The following ECPAS variants were observed in gnomAD, a reference collection of about 807,000 sequenced individuals.
The protein encoded by ECPAS is Ecm29 proteasome adaptor and scaffold.
ECPAS carries 70 observed loss-of-function variants against 255.1 expected under a neutral mutation model. The ratio of observed to expected loss-of-function variants is 0.27; its 90% CI spans 0.23 to 0.33. The LOEUF is 0.33. Among genes scored for constraint, ECPAS ranks in the 10% least tolerant of loss-of-function variants. The pLI is 1.00. For synonymous variants in ECPAS, 784 were observed against 775.0 expected (o/e 1.01, Z -0.19); for missense variants, 1,817 against 2,206.4 (o/e 0.82, Z 3.54).
chr9:111,373,907 T>A, intron 39 of ECPAS, 65 bp downstream of exon 39: 1 of 1,282,850 alleles, frequency 7.8e-7, no homozygotes, highest in South Asian at 1.2e-5. Context: ...TTTTCCTTTT[T>A]AAAACTCTGT....
intron 16 of ECPAS, among the ~76,000 whole-genome samples, chr9:111,418,322 A>C (rs1005408386): frequency 6.6e-6 from 1 of 152,232 alleles, no homozygotes; most frequent in Non-Finnish European, 1.5e-5. Flanking sequence ...GTTAAACCAT[A>C]AACAACTATA....
intron 24 of ECPAS, among the ~76,000 whole-genome samples, chr9:111,399,279 T>C (rs1331525323): frequency 6.6e-6 from 1 of 152,048 alleles, no homozygotes; most frequent in Non-Finnish European, 1.5e-5. Context: ...AAAAAGCACC[T>C]TCATAAAAAC....
chr9:111,467,020 C>T lies in ECPAS; in HGVS notation c.22+5877G>A, dbSNP rs564825739. Among the ~76,000 whole-genome samples the T allele has an allele frequency of 4.6e-5, 7 of 152,112 alleles. No individual in the cohort carries two copies. In the East Asian group the frequency reaches 7.7e-4, roughly 17 times the overall value. ...TCCTCCTACCCGCATAAAAAGAAAACGACCAGTAAAGGTTTAAAGACTTCA... is the reference window on the plus strand; with the variant it reads ...TCCTCCTACCCGCATAAAAAGAAAATGACCAGTAAAGGTTTAAAGACTTCA... On this transcript the variant is annotated intron_variant, in intron 2 of 49. Transcript: ENST00000684092.
chr9:111,448,022 C>G (rs1222887551), intron 3 of ECPAS, among the ~76,000 whole-genome samples: 3 of 151,934 alleles, frequency 2.0e-5, no homozygotes, highest in African/African-American at 7.2e-5. Flanking sequence ...TTCAAAAGAG[C>G]TAGAAGATCT....
chr9:111,436,803 T>G, intron 7 of ECPAS, 137 bp downstream of exon 7: 1 of 735,506 alleles, frequency 1.4e-6, no homozygotes, highest in Non-Finnish European at 2.1e-6. Flanking sequence ...AAAGAACACA[T>G]TACATCAACT....
At position 111,373,958 on chromosome 9, in the gene ECPAS, C is replaced by T; in HGVS notation, c.4177+14G>A. The T allele has an allele frequency of 6.2e-7, 1 of 1,603,934 alleles. No homozygotes were observed. Among genetic ancestry groups the T allele is most frequent in the Non-Finnish European group, 8.5e-7 (1 of 1,170,782 alleles). ...TGTGCAAAAATATCACCACACATCC[C>T]TTGACAAACTCACCTGAGTAAGGTG... On this transcript the variant is annotated intron_variant, in intron 39 of 49. Coordinates refer to ENST00000684092, the MANE Select transcript of ECPAS (RefSeq NM_001364929.1).
chr9:111,372,140 T>G (rs1211981159), intron 42 of ECPAS, among the ~76,000 whole-genome samples: 1 of 152,190 alleles, frequency 6.6e-6, no homozygotes, highest in Non-Finnish European at 1.5e-5. Flanking sequence ...AATCACACTC[T>G]TAATTAAAAA....
At chr9:111,438,536 A>G (rs2098241375) in intron 6 of ECPAS, among the ~76,000 whole-genome samples, 1 of 152,200 alleles carries the variant, frequency 6.6e-6, no homozygotes, top group Non-Finnish European at 1.5e-5. Context: ...TGAACCCAGG[A>G]GGTCAAGGCT....
chr9:111,425,572 A>G (rs949748574), intron 11 of ECPAS, 76 bp from the exon 12 acceptor site: 3 of 1,143,888 alleles, frequency 2.6e-6, no homozygotes, highest in Admixed American at 2.9e-5. Context: ...ATTACATAAA[A>G]TAATGAGAGA....
intron 9 of ECPAS, among the ~76,000 whole-genome samples, chr9:111,429,194 C>A (rs2098226129): frequency 6.6e-6 from 1 of 151,974 alleles, no homozygotes; most frequent in Non-Finnish European, 1.5e-5. Flanking sequence ...TGCCTGTCTA[C>A]TCTTCAAGTA....
In ECPAS at chr9:111,370,769, AG is replaced by A; in HGVS notation, c.4738-5del. 6.3e-7 allele frequency: 1 copy of A among 1,598,870 alleles called. No homozygotes were observed. The highest frequency in any genetic ancestry group is 8.5e-7 in the Non-Finnish European group (1 of 1,172,236). ...CAATGGCTTTCAATAGCTCCTCCTA[AG>A]GGGTTGAAAGATGAGGAAATACTAT... On this transcript the variant is annotated splice_polypyrimidine_tract_variant and splice_region_variant and intron_variant, in intron 43 of 49. Coordinates refer to ENST00000684092, the MANE Select transcript of ECPAS (RefSeq NM_001364929.1).
chr9:111,398,720 T>C (rs2098171157), intron 24 of ECPAS, among the ~76,000 whole-genome samples: 1 of 152,088 alleles, frequency 6.6e-6, no homozygotes, highest in Non-Finnish European at 1.5e-5. Flanking sequence ...GCGGATCACC[T>C]GAGGTCAGGA....
intron 17 of ECPAS, among the ~76,000 whole-genome samples, chr9:111,417,472 A>AT (rs779670127): frequency 4.7e-4 from 71 of 152,266 alleles, no homozygotes; most frequent in Non-Finnish European, 9.0e-4. Context: ...TCAGCTGGGC[A>AT]TGGTGGTTCA....
At chr9:111,446,801 A>G (rs2098253633) in intron 3 of ECPAS, among the ~76,000 whole-genome samples, 1 of 152,178 alleles carries the variant, frequency 6.6e-6, no homozygotes. Flanking sequence ...ATGACTCCAG[A>G]GCCCATTTTT....
intron 1 of ECPAS, among the ~76,000 whole-genome samples, chr9:111,481,367 G>A (rs527717250): frequency 1.3e-5 from 2 of 152,122 alleles, no homozygotes; most frequent in South Asian, 2.1e-4. Flanking sequence ...TTAGCCGGGC[G>A]TGGTGGCGGG....
chr9:111,436,033 G>GA (rs1290825673), intron 7 of ECPAS, among the ~76,000 whole-genome samples: 67 of 135,816 alleles, frequency 4.9e-4, no homozygotes, highest in Middle Eastern at 3.6e-3. Flanking sequence ...GTTTAAGGAG[G>GA]AAAAAAAAAA....
chr9:111,366,509 T>C lies in ECPAS; in HGVS notation c.5219+13A>G, dbSNP rs1286110392. 2.5e-6 allele frequency: 4 copies of C among 1,582,932 alleles called. No individual in the cohort carries two copies. The highest frequency in any genetic ancestry group is 1.7e-5 in the Admixed American group (1 of 59,802). On this transcript the variant is annotated intron_variant, in intron 47 of 49. Transcript: ENST00000684092. ...AGGAACAAAATAAAAAACTGAGCCA[T>C]GAAGCAATTTACCCCTGAAAAAAGG...
At chr9:111,373,431 T>A in intron 39 of ECPAS, 25 bp from the exon 40 acceptor site, 1 of 1,594,310 alleles carries the variant, frequency 6.3e-7, no homozygotes, top group Non-Finnish European at 8.6e-7. Context: ...GAGAAAAAAA[T>A]CTGATACTTG....
intron 1 of ECPAS, among the ~76,000 whole-genome samples, chr9:111,482,152 G>A (rs947967660): frequency 6.6e-6 from 1 of 152,184 alleles, no homozygotes; most frequent in Non-Finnish European, 1.5e-5. Context: ...ACTGATCTCA[G>A]AAGGCCTGGT....
Sources: gnomAD v4.1 joint callset for allele counts (sites outside exome capture counted in the v4.1 genomes callset) on GRCh38, gnomAD v4.1.1 for gene constraint, MANE v1.5 for transcripts, NCBI Gene and HGNC (gene_info 2026-07-23, HGNC 2026-07-21) for gene names.